The following MYO3B variants were observed in gnomAD, a reference collection of about 807,000 sequenced individuals.
MYO3B encodes the protein myosin-IIIb.
MYO3B carries 156 observed loss-of-function variants against 174.6 expected under a neutral mutation model. That is an observed-to-expected ratio of 0.89 (90% CI 0.78 to 1.02). The LOEUF (loss-of-function observed/expected upper bound fraction) is 1.02, where lower values mean the gene tolerates loss of function less well. Among genes scored for constraint, MYO3B ranks in the 50% least tolerant of loss-of-function variants. The pLI, the probability that MYO3B is intolerant of heterozygous loss-of-function variation, is 0.00. For synonymous variants in MYO3B, 563 were observed against 569.1 expected, an observed-to-expected ratio of 0.99 and a Z score of 0.15; for missense variants, 1,632 against 1,639.4, an observed-to-expected ratio of 1.00 and a Z score of 0.08.
chr2:170,283,610 C>T (rs1196655042), intron 7 of MYO3B, among the ~76,000 whole-genome samples: 2 of 152,052 alleles, frequency 1.3e-5, no homozygotes, highest in East Asian at 1.9e-4. Flanking sequence ...CCTTTGTAAA[C>T]CCCATACAGA....
At chr2:170,185,551 G>T (rs1360374035) in intron 1 of MYO3B, among the ~76,000 whole-genome samples, 1 of 152,154 alleles carries the variant, frequency 6.6e-6, no homozygotes, top group African/African-American at 2.4e-5. Flanking sequence ...CTATAGCTCT[G>T]TAGTATAATT....
At chr2:170,406,929 G>A (rs779114389) in intron 21 of MYO3B, among the ~76,000 whole-genome samples, 4 of 152,078 alleles carry the variant, frequency 2.6e-5, no homozygotes, top group Admixed American at 6.5e-5. Flanking sequence ...GGCAGTGAGA[G>A]TACTTAAAGT....
chr2:170,401,796 C>CTTTTTTTTTTTTTTT lies in MYO3B; in HGVS notation c.2129+110_2129+111insTTTTTTTTTTTTTTT, dbSNP rs1268110549. ...TTTGGTCCTCTCTGGGATTTTCTTT[C>CTTTTTTTTTTTTTTT]TTTTTCTTTTTTTTTTTTTTTGTGG... On this transcript the variant is annotated intron_variant, in intron 18 of 34. Transcript: ENST00000408978. 44 of 794,364 alleles carry CTTTTTTTTTTTTTTT rather than the reference C, an allele frequency of 5.5e-5. No homozygotes were observed. The African/African-American group carries it at 7.8e-4, about 14-fold the overall frequency. The allele number at this position is 794,364 out of a possible 1,614,324, so 49.2% of individuals were successfully genotyped here.
intron 32 of MYO3B, among the ~76,000 whole-genome samples, chr2:170,621,637 G>C (rs956871315): frequency 2.0e-5 from 3 of 151,814 alleles, no homozygotes; most frequent in Non-Finnish European, 4.4e-5. Context: ...AGCCTCCCGG[G>C]TAGTTGGGAC....
At chr2:170,285,375 T>C (rs1036913267) in intron 7 of MYO3B, among the ~76,000 whole-genome samples, 1 of 149,960 alleles carries the variant, frequency 6.7e-6, no homozygotes, top group African/African-American at 2.4e-5. Context: ...CTGTGACCTT[T>C]TTTTTTTTTG....
At chr2:170,304,495 C>T (rs147468871) in intron 7 of MYO3B, among the ~76,000 whole-genome samples, 1,899 of 138,154 alleles carry the variant, frequency 0.014, 45 homozygotes, top group African/African-American at 0.049. Context: ...GACAGAGTCT[C>T]GCTCTGTCAC....
At position 170,339,415 on chromosome 2, in the gene MYO3B, A is replaced by G. The variant is rs114065999; in HGVS notation, c.815+3965A>G. ...CAATACTCTAGGTCTTTTTTAGTCCATGCTGGTCACTACCCACCAAAAGAT... is the reference window on the plus strand; with the variant it reads ...CAATACTCTAGGTCTTTTTTAGTCCGTGCTGGTCACTACCCACCAAAAGAT... On this transcript the variant is annotated intron_variant, in intron 8 of 34. Transcript: ENST00000408978. Among the ~76,000 whole-genome samples the G allele has an allele frequency of 7.1e-3, 1,087 of 152,270 alleles. 17 individuals carry two copies. The highest frequency in any genetic ancestry group is 0.025 in the African/African-American group (1,048 of 41,570).
At chr2:170,332,164 A>G (rs866533920) in intron 7 of MYO3B, 3 of 152,202 alleles carry the variant, frequency 2.0e-5, no homozygotes, top group Non-Finnish European at 2.9e-5. Flanking sequence ...GACTTCAACA[A>G]CCGGGTGGGA....
intron 21 of MYO3B, among the ~76,000 whole-genome samples, chr2:170,406,913 T>TAAGTGAG (rs1321356080): frequency 7.2e-5 from 11 of 152,072 alleles, no homozygotes; most frequent in Non-Finnish European, 1.5e-4. Context: ...CATGAGGACC[T>TAAGTGAG]AGGGAGGCAG....
At chr2:170,322,539 G>T (rs2093836176) in intron 7 of MYO3B, among the ~76,000 whole-genome samples, 1 of 152,198 alleles carries the variant, frequency 6.6e-6, no homozygotes, top group African/African-American at 2.4e-5. Flanking sequence ...TGCTGCTGTG[G>T]TGTCTTTTGC....
intron 7 of MYO3B, among the ~76,000 whole-genome samples, chr2:170,244,494 G>A (rs958502653): frequency 3.3e-4 from 50 of 152,162 alleles, no homozygotes; most frequent in African/African-American, 1.1e-3. Flanking sequence ...CAGGTGCTGA[G>A]GGAATATACA....
intron 32 of MYO3B, among the ~76,000 whole-genome samples, chr2:170,583,999 T>C (rs1693332261): frequency 6.6e-6 from 1 of 152,260 alleles, no homozygotes; most frequent in South Asian, 2.1e-4. Context: ...TCTCCTCTCC[T>C]GTCCCTGTCT....
intron 7 of MYO3B, among the ~76,000 whole-genome samples, chr2:170,292,293 G>A (rs995567994): frequency 6.6e-6 from 1 of 151,930 alleles, no homozygotes; most frequent in Middle Eastern, 3.2e-3. Flanking sequence ...TAATATCTTT[G>A]TTAAATTTCT....
intron 16 of MYO3B, among the ~76,000 whole-genome samples, chr2:170,398,115 C>G (rs888686714): frequency 1.3e-5 from 2 of 151,014 alleles, no homozygotes; most frequent in African/African-American, 4.9e-5. Flanking sequence ...CCTAGCTACT[C>G]AGGAGGCTGA....
At chr2:170,606,964 G>C (rs142790795) in intron 32 of MYO3B, among the ~76,000 whole-genome samples, 4,842 of 152,232 alleles carry the variant, frequency 0.032, 238 homozygotes, top group African/African-American at 0.11. Flanking sequence ...AGGTTGCTGT[G>C]AGCCCAGATA....
intron 8 of MYO3B, among the ~76,000 whole-genome samples, chr2:170,364,757 G>A (rs540044462): frequency 1.3e-5 from 2 of 152,172 alleles, no homozygotes; most frequent in Admixed American, 1.3e-4. Context: ...CTGCTGACCA[G>A]GGATAGAAAT....
intron 8 of MYO3B, among the ~76,000 whole-genome samples, chr2:170,337,656 T>C (rs1419356241): frequency 6.6e-6 from 1 of 152,206 alleles, no homozygotes. Context: ...AAAAATTGCC[T>C]ATAACTTTTG....
intron 25 of MYO3B, among the ~76,000 whole-genome samples, chr2:170,481,553 G>A (rs1319494248): frequency 6.6e-6 from 1 of 152,094 alleles, no homozygotes; most frequent in African/African-American, 2.4e-5. Context: ...TCCAGCCTGG[G>A]TGACAGAGTG....
At chr2:170,279,240 T>G (rs528292526) in intron 7 of MYO3B, among the ~76,000 whole-genome samples, 2 of 152,284 alleles carry the variant, frequency 1.3e-5, no homozygotes, top group South Asian at 4.1e-4. Context: ...CTAATTTACA[T>G]TCCCATCAAT....
Sources: gnomAD v4.1 joint callset for allele counts (sites outside exome capture counted in the v4.1 genomes callset) on GRCh38, gnomAD v4.1.1 for gene constraint, MANE v1.5 for transcripts, NCBI Gene and HGNC (gene_info 2026-07-23, HGNC 2026-07-21) for gene names.